METTL17: variants seen among roughly 807,000 people sequenced by gnomAD.
METTL17 encodes the protein methyltransferase like 17.
Under a neutral mutation model 59.4 loss-of-function variants are expected in METTL17, and 49 were observed. That is an observed-to-expected ratio of 0.82 (90% CI 0.66 to 1.05). METTL17 has a LOEUF of 1.05. Ranked by LOEUF, METTL17 falls within the 50% of genes least tolerant of loss-of-function variation. The pLI is 0.00. For missense variants in METTL17, 555 were observed against 578.4 expected (o/e 0.96, Z 0.41); for synonymous variants, 208 against 209.2 (o/e 0.99, Z 0.05).
intron 4 of METTL17, 109 bp from the exon 5 acceptor site, chr14:20,992,432 G>T: frequency 1.1e-6 from 1 of 936,042 alleles, no homozygotes. Context: ...GGGAGTGAAA[G>T]GCCTGAGCTG....
chr14:20,994,094 G>T (rs779408258), intron 7 of METTL17, 31 bp downstream of exon 7: 9 of 1,555,826 alleles, frequency 5.8e-6, no homozygotes, highest in Non-Finnish European at 8.0e-6. Flanking sequence ...AAAGTTGAGG[G>T]AGTTAAGAAA....
At chr14:20,992,429 A>C in intron 4 of METTL17, 112 bp from the exon 5 acceptor site, 1 of 918,742 alleles carries the variant, frequency 1.1e-6, no homozygotes. Flanking sequence ...TTGGGGAGTG[A>C]AAGGCCTGAG....
At chr14:20,992,836 C>G in intron 5 of METTL17, 1 of 606,880 alleles carries the variant, frequency 1.6e-6, no homozygotes, top group Non-Finnish European at 2.9e-6. Context: ...CTGCAGTGAG[C>G]TGTGATCTCC....
chr14:20,992,495 T>C (rs759411035), intron 4 of METTL17, 46 bp from the exon 5 acceptor site: 15 of 1,424,000 alleles, frequency 1.1e-5, no homozygotes, highest in Non-Finnish European at 1.3e-5. Context: ...AATTATGGGA[T>C]TAAGGTTATT....
Position 20,993,994 on chromosome 14 carries a change from A to G in METTL17, c.628A>G (p.Ser210Gly), listed in dbSNP as rs148101767. 6 of 1,613,630 alleles carry G rather than the reference A, an allele frequency of 3.7e-6. No homozygotes were observed. The highest frequency in any genetic ancestry group is 5.1e-6 in the Non-Finnish European group (6 of 1,179,832). Residue 210 changes from serine (S) to glycine (G), a missense_variant, in exon 7 of 14, where the codon AGC (serine) becomes GGC (glycine). By Grantham distance (56) the Ser-to-Gly change is moderately conservative. Coordinates refer to ENST00000339374, the MANE Select transcript of METTL17 (RefSeq NM_022734.3). ...TWAAHSIWGQ[S>G]LREYMCVDRS... is the part of the protein sequence containing the mutation. ...GGCTGCTCACAGTATTTGGGGCCAG[A>G]GCCTACGTGAATATATGTGTGTGGA...
Position 20,996,909 on chromosome 14 carries a change from A to G in METTL17, c.*19A>G, listed in dbSNP as rs746570735. On this transcript the variant is annotated 3_prime_UTR_variant, in exon 14 of 14. Coordinates refer to ENST00000339374, the MANE Select transcript of METTL17 (RefSeq NM_022734.3). ...GAGTTGATGAGGATGTGTAACAAGT[A>G]TTTTCTTCTATCGTGCCTGCCAGGG... 1.9e-6 allele frequency: 3 copies of G among 1,589,784 alleles called. No homozygotes were observed. Among genetic ancestry groups the G allele is most frequent in the Non-Finnish European group, 2.6e-6 (3 of 1,166,796 alleles).
chr14:20,996,177 T>TTC, intron 11 of METTL17, 32 bp from the exon 12 acceptor site: 1 of 1,595,868 alleles, frequency 6.3e-7, no homozygotes, highest in African/African-American at 1.3e-5. Context: ...GATGGCTCTT[T>TTC]TGTCTTACCT....
intron 6 of METTL17, chr14:20,993,682 C>T (rs372140974): frequency 1.3e-4 from 30 of 236,142 alleles, no homozygotes; most frequent in Admixed American, 7.9e-4. Context: ...ACCATATTGG[C>T]CAGGCTGGTC....
chr14:20,996,519 T>C lies in METTL17; in HGVS notation c.1081-8T>C. The C allele has an allele frequency of 1.2e-6, 2 of 1,607,324 alleles. No homozygotes were observed. Among genetic ancestry groups the C allele is most frequent in the Non-Finnish European group, 1.7e-6 (2 of 1,175,130 alleles). ...TCTTCTAAACAGTCTCTATGTTCCT[T>C]ATCTTAGAACAAGAAACCAAAGGAA... On this transcript the variant is annotated splice_region_variant and splice_polypyrimidine_tract_variant and intron_variant, in intron 12 of 13. Coordinates refer to ENST00000339374, the MANE Select transcript of METTL17 (RefSeq NM_022734.3).
Position 20,990,240 on chromosome 14 carries a change from C to T in METTL17, c.86C>T (p.Ala29Val). ...TTTCTCTGCCTGCAGGCGCTCGCCG[C>T]CTTAGTACCCGGAGTGACCCAGGTA... The part of the protein sequence containing the change: ...GVAPQARALA[A>V]LVPGVTQVDN... The change falls in exon 2 of 14, where the codon GCC (alanine) becomes GTC (valine). Residue 29 changes from alanine (A) to valine (V), a missense_variant. Ala to Val is a moderately conservative substitution (Grantham distance 64). Transcript: ENST00000339374. 1 of 1,614,232 alleles carries T rather than the reference C, an allele frequency of 6.2e-7. No homozygotes were observed. Among genetic ancestry groups the T allele is most frequent in the Non-Finnish European group, 8.5e-7 (1 of 1,180,048 alleles).
At position 20,996,842 on chromosome 14, in the gene METTL17, TC is replaced by T; in HGVS notation, c.1325del (p.Pro442ArgfsTer20). On this transcript the variant is annotated frameshift_variant, in exon 14 of 14. Coordinates refer to ENST00000339374, the MANE Select transcript of METTL17 (RefSeq NM_022734.3). LOFTEE classifies it low-confidence loss of function (END_TRUNC). Reference protein sequence around the residue: ...SWGDLLPVLTPSAFPPSTAQD... With the variant: ...SWGDLLPVLTXSAFPPSTAQD... Reference sequence around the variant, plus strand: ...GGGGAGATCTTTTACCTGTGCTTACTCCGTCTGCGTTTCCTCCATCTACGGC... The same window carrying T: ...GGGGAGATCTTTTACCTGTGCTTACTCGTCTGCGTTTCCTCCATCTACGGC... 1 of 1,613,838 alleles carries T rather than the reference TC, an allele frequency of 6.2e-7. No individual in the cohort carries two copies. Among genetic ancestry groups the T allele is most frequent in the Non-Finnish European group, 8.5e-7 (1 of 1,179,964 alleles).
At position 20,990,248 on chromosome 14, in the gene METTL17, C is replaced by T; in HGVS notation, c.94C>T (p.Pro32Ser). 2 of 1,614,226 alleles carry T rather than the reference C, an allele frequency of 1.2e-6. No individual in the cohort carries two copies. The highest frequency in any genetic ancestry group is 2.2e-5 in the East Asian group (1 of 44,882). ...PQARALAALVPGVTQVDNKSG... is the reference protein window; with the variant it reads ...PQARALAALVSGVTQVDNKSG... ...CCTGCAGGCGCTCGCCGCCTTAGTACCCGGAGTGACCCAGGTAGATAACAA... is the reference window on the plus strand; with the variant it reads ...CCTGCAGGCGCTCGCCGCCTTAGTATCCGGAGTGACCCAGGTAGATAACAA... The change falls in exon 2 of 14, where the codon CCC (proline) becomes TCC (serine). Residue 32 changes from proline to serine, a missense_variant. Transcript: ENST00000339374.
chr14:20,995,098 A>G, intron 9 of METTL17, 67 bp from the exon 10 acceptor site: 7 of 1,443,420 alleles, frequency 4.8e-6, no homozygotes, highest in Non-Finnish European at 6.8e-6. Flanking sequence ...TTGCTCTTAC[A>G]CAGCTACTGA....
At chr14:20,996,331 C>T in intron 12 of METTL17, 39 bp downstream of exon 12, 8 of 1,586,712 alleles carry the variant, frequency 5.0e-6, no homozygotes, top group Non-Finnish European at 6.9e-6. Context: ...AGCAAACATC[C>T]TGGAAAAACA....
chr14:20,990,021 T>C lies in METTL17; in HGVS notation c.19T>C (p.Cys7Arg), dbSNP rs755393905. 6.2e-7 allele frequency: 1 copy of C among 1,606,332 alleles called. No individual in the cohort carries two copies. The highest frequency in any genetic ancestry group is 2.2e-5 in the East Asian group (1 of 44,690). MAAALK[C>R]LLTLGRWCPG... ...CGGAGCCATGGCGGCGGCACTGAAGTGTCTACTGACATTAGGAAGATGGTG... is the reference window on the plus strand; with the variant it reads ...CGGAGCCATGGCGGCGGCACTGAAGCGTCTACTGACATTAGGAAGATGGTG... Residue 7 changes from cysteine to arginine, a missense_variant, in exon 1 of 14, where the codon TGT becomes CGT. Transcript: ENST00000339374.
At chr14:20,994,952 T>A (rs1386221047) in intron 9 of METTL17, 51 bp downstream of exon 9, 1 of 1,421,088 alleles carries the variant, frequency 7.0e-7, no homozygotes. Flanking sequence ...CTTCATGGAT[T>A]TCATGCCTTT....
chr14:20,994,699 G>A (rs746429515), intron 8 of METTL17, 86 bp downstream of exon 8: 132 of 1,528,286 alleles, frequency 8.6e-5, no homozygotes, highest in Non-Finnish European at 1.1e-4. Context: ...AGCACTGAGT[G>A]TTAGAAGATA....
rs1338807009 is a variant in METTL17 at position 20,990,049 on chromosome 14, C to G, written c.47C>G (p.Pro16Arg). The change falls in exon 1 of 14, where the codon CCC becomes CGC. Residue 16 changes from proline to arginine, a missense_variant. Pro to Arg is a moderately radical substitution (Grantham distance 103). Coordinates refer to ENST00000339374, the MANE Select transcript of METTL17 (RefSeq NM_022734.3). ...KCLLTLGRWCPGLGVAPQARA... is the reference protein window; with the variant it reads ...KCLLTLGRWCRGLGVAPQARA... The stretch of plus-strand genomic sequence containing the variant: ...CTACTGACATTAGGAAGATGGTGCC[C>G]CGGCCTTGGAGTGGCTCCCCAGGCC... 1.2e-6 allele frequency: 2 copies of G among 1,613,322 alleles called. No homozygotes were observed. The highest frequency in any genetic ancestry group is 2.2e-5 in the South Asian group (2 of 91,060).
chr14:20,990,814 G>GTTTGTT (rs1555321034), intron 3 of METTL17: 1 of 587,088 alleles, frequency 1.7e-6, no homozygotes, highest in East Asian at 3.1e-5. Flanking sequence ...ACTGTTTTTT[G>GTTTGTT]TTTGTTTGTT....
Sources: gnomAD v4.1 joint callset for allele counts on GRCh38, gnomAD v4.1.1 for gene constraint, MANE v1.5 for transcripts, NCBI Gene and HGNC (gene_info 2026-07-23, HGNC 2026-07-21) for gene names.